Variants in RFWD3 observed in about 807,000 individuals in gnomAD.
RFWD3 encodes E3 ubiquitin-protein ligase RFWD3.
Under a neutral mutation model 87.7 loss-of-function variants are expected in RFWD3, and 65 were observed. The ratio of observed to expected loss-of-function variants is 0.74; its 90% confidence interval spans 0.61 to 0.91. RFWD3 has a LOEUF of 0.91. RFWD3 is among the 40% of genes least tolerant of loss of function. The pLI, the probability that RFWD3 is intolerant of heterozygous loss-of-function variation, is 0.00. For missense variants in RFWD3, 1,078 were observed against 938.5 expected (o/e 1.15, Z -1.94); for synonymous variants, 433 against 352.8 (o/e 1.23, Z -2.55).
chr16:74,624,329 G>A (rs1375451331), intron 12 of RFWD3, among the ~76,000 whole-genome samples: 1 of 152,158 alleles, frequency 6.6e-6, no homozygotes, highest in Non-Finnish European at 1.5e-5. Context: ...TTCATTCAAT[G>A]TGCCAGCCTC....
rs575512378 is a variant in RFWD3 at position 74,623,922 on chromosome 16, CCA to C, written c.*4_*5del. The C allele has an allele frequency of 8.7e-5, 140 of 1,613,826 alleles. No homozygotes were observed. In the African/African-American group the frequency reaches 1.6e-3, roughly 18 times the overall value. On this transcript the variant is annotated 3_prime_UTR_variant, in exon 13 of 13. Transcript: ENST00000361070. ...GCAGCATGCCTTCAAGGTTTCGAGA[CCA>C]CAGTCACTCCCACTTATAGATGTGG...
Position 74,636,571 on chromosome 16 carries a change from G to A in RFWD3, c.1201C>T (p.Gln401Ter). 1 of 1,610,980 alleles carries A rather than the reference G, an allele frequency of 6.2e-7. No homozygotes were observed. Among genetic ancestry groups the A allele is most frequent in the Non-Finnish European group, 8.5e-7 (1 of 1,178,008 alleles). The stretch of plus-strand genomic sequence containing the variant: ...TGACTTTGATGTGACGTAAGTTTTT[G>A]CAAGTCCTAAAATGAAAAAGATTTT... ...TRLQRRVQDL[Q>*]KLTSHQSQNL... Residue 401 changes from glutamine to a stop codon, truncating the protein, a stop_gained, in exon 8 of 13, where the codon CAA (glutamine) becomes TAA (stop). Coordinates refer to ENST00000361070, the MANE Select transcript of RFWD3 (RefSeq NM_018124.4). LOFTEE classifies it high-confidence loss of function.
rs1961963651 is a variant in RFWD3, at chr16:74,666,785, C to A, written c.-3+1G>T. ...TGAGGAGAAGCAACACCCCTCCTCA[C>A]CTGAAACCAGCAGGCCGCGGCCGGG... On this transcript the variant is annotated splice_donor_variant, in intron 1 of 12. Coordinates refer to ENST00000361070, the MANE Select transcript of RFWD3 (RefSeq NM_018124.4). LOFTEE classifies it low-confidence loss of function (5UTR_SPLICE). 1.4e-5 allele frequency: 1 copy of A among 69,628 alleles called. No homozygotes were observed. Among genetic ancestry groups the A allele is most frequent in the African/African-American group, 6.4e-5 (1 of 15,658 alleles). The allele number at this position is 69,628 out of a possible 1,614,324, so 4.3% of individuals were successfully genotyped here.
chr16:74,625,484 A>G (rs1958904137), intron 12 of RFWD3, among the ~76,000 whole-genome samples: 1 of 150,930 alleles, frequency 6.6e-6, no homozygotes, highest in Non-Finnish European at 1.5e-5. Context: ...TCTGCACTCC[A>G]GCCTGGGTAA....
intron 3 of RFWD3, among the ~76,000 whole-genome samples, chr16:74,649,949 C>G (rs1960444059): frequency 1.3e-5 from 2 of 152,140 alleles, no homozygotes; most frequent in African/African-American, 4.8e-5. Flanking sequence ...ATTGTGCAAC[C>G]ACCACCATAA....
rs557264066 is a variant in RFWD3 at position 74,634,662 on chromosome 16, T to G, written c.1426+1684A>C. On this transcript the variant is annotated intron_variant, in intron 8 of 12. Coordinates refer to ENST00000361070, the MANE Select transcript of RFWD3 (RefSeq NM_018124.4). ...CCTTGGCCTCCCAAAGTGCTGGGAT[T>G]ACAGTCATGAGCCACTGTGCCCACT... Among the ~76,000 whole-genome samples, 11 of 152,240 alleles carry G rather than the reference T, an allele frequency of 7.2e-5. No homozygotes were observed. The South Asian group carries it at 2.3e-3, about 32-fold the overall frequency.
intron 8 of RFWD3, among the ~76,000 whole-genome samples, chr16:74,633,522 A>G (rs1303000851): frequency 6.6e-6 from 1 of 152,174 alleles, no homozygotes; most frequent in African/African-American, 2.4e-5. Context: ...GTAACACTAT[A>G]TAATTCCATT....
At chr16:74,647,751 C>A (rs1450661737) in intron 4 of RFWD3, among the ~76,000 whole-genome samples, 6 of 151,828 alleles carry the variant, frequency 4.0e-5, no homozygotes, top group Admixed American at 3.3e-4. Flanking sequence ...GCCAACATAC[C>A]CAGCTAATCT....
intron 2 of RFWD3, among the ~76,000 whole-genome samples, chr16:74,654,459 ATGT>A (rs1960813095): frequency 6.6e-6 from 1 of 152,118 alleles, no homozygotes; most frequent in African/African-American, 2.4e-5. Context: ...TAATCAGTAA[ATGT>A]TGTGTATGTT....
chr16:74,639,924 G>C (rs2144149476), intron 6 of RFWD3, among the ~76,000 whole-genome samples: 1 of 152,140 alleles, frequency 6.6e-6, no homozygotes, highest in South Asian at 2.1e-4. Flanking sequence ...GAGAGATGGA[G>C]ACCACACTCA....
chr16:74,643,685 T>C (rs1249910347), intron 6 of RFWD3, among the ~76,000 whole-genome samples: 1 of 138,916 alleles, frequency 7.2e-6, no homozygotes, highest in Non-Finnish European at 1.6e-5. Context: ...TTTTTTTTTT[T>C]TTTTTTTTGA....
chr16:74,658,142 C>G (rs1041132105), intron 2 of RFWD3, among the ~76,000 whole-genome samples: 10 of 152,192 alleles, frequency 6.6e-5, no homozygotes, highest in Admixed American at 2.6e-4. Flanking sequence ...TCCTTCCCTG[C>G]ACTTACCAAC....
At chr16:74,666,764 G>A (rs1207318979) in intron 1 of RFWD3, 22 bp downstream of exon 1, 1 of 117,712 alleles carries the variant, frequency 8.5e-6, no homozygotes, top group Non-Finnish European at 1.9e-5. Flanking sequence ...AAGGCCTGAG[G>A]AGAAGCAACA....
intron 2 of RFWD3, among the ~76,000 whole-genome samples, chr16:74,657,775 G>C (rs144755231): frequency 5.8e-4 from 88 of 152,210 alleles, no homozygotes; most frequent in African/African-American, 2.0e-3. Context: ...CGCCTAGCCA[G>C]GTTTTCTTTT....
At chr16:74,632,841 G>C (rs1959142840) in intron 8 of RFWD3, 168 bp from the exon 9 acceptor site, 2 of 612,820 alleles carry the variant, frequency 3.3e-6, no homozygotes, top group Admixed American at 5.9e-5. Flanking sequence ...ATTTATTTTT[G>C]AGAGTTGGCC....
intron 3 of RFWD3, among the ~76,000 whole-genome samples, chr16:74,650,527 C>G (rs1404999259): frequency 1.3e-5 from 2 of 151,884 alleles, no homozygotes; most frequent in Non-Finnish European, 2.9e-5. Flanking sequence ...TCACCCTGGT[C>G]CCTGTATTAA....
At position 74,664,941 on chromosome 16, in the gene RFWD3, G is replaced by A. The variant is rs928724144; in HGVS notation, c.-3+1845C>T. ...GCTTCCTAACCACTGTAGGCCAGTC[G>A]GAGGTGCCTAGAACGAGAGACCATG... On this transcript the variant is annotated intron_variant, in intron 1 of 12. Transcript: ENST00000361070. Among the ~76,000 whole-genome samples the A allele has an allele frequency of 7.9e-5, 12 of 152,104 alleles. No individual in the cohort carries two copies. In the South Asian group the frequency reaches 1.2e-3, roughly 16 times the overall value.
rs1382644728 is a variant in RFWD3 at position 74,632,684 on chromosome 16, C to T, written c.1427-11G>A. The T allele has an allele frequency of 6.2e-7, 1 of 1,613,408 alleles. No homozygotes were observed. The highest frequency in any genetic ancestry group is 1.3e-5 in the African/African-American group (1 of 74,894). ...TCTTAACACCAAAGCCTGAAAAAGG[C>T]AAAATAGTATGAAATAGATCACTGA... On this transcript the variant is annotated splice_polypyrimidine_tract_variant and intron_variant, in intron 8 of 12. Transcript: ENST00000361070.
At chr16:74,640,694 C>T (rs1026235833) in intron 6 of RFWD3, among the ~76,000 whole-genome samples, 2 of 151,614 alleles carry the variant, frequency 1.3e-5, no homozygotes, top group Non-Finnish European at 2.9e-5. Context: ...AATCCCAGCA[C>T]TCTGGGAGGC....
Sources: gnomAD v4.1 joint callset for allele counts (sites outside exome capture counted in the v4.1 genomes callset) on GRCh38, gnomAD v4.1.1 for gene constraint, MANE v1.5 for transcripts, NCBI Gene and HGNC (gene_info 2026-07-23, HGNC 2026-07-21) for gene names.